Variants in ACACA observed in about 807,000 individuals in gnomAD.
ACACA encodes acetyl-CoA carboxylase alpha, also known as acetyl-CoA carboxylase 1.
In ACACA, 103 loss-of-function variants were observed where a neutral mutation model predicts 296.1. The observed-to-expected ratio is 0.35, with a 90% CI of 0.30 to 0.41. ACACA has a LOEUF of 0.41. ACACA is among the 10% of genes least tolerant of loss of function. ACACA has a pLI of 1.00. For missense variants in ACACA, 1,554 were observed against 2,989.7 expected (o/e 0.52, Z 11.20); for synonymous variants, 953 against 1,038.6 (o/e 0.92, Z 1.58).
At position 37,396,887 on chromosome 17, in the gene ACACA, A is replaced by ATAG. The variant is rs1304153602; in HGVS notation, c.38+9372_38+9374dup. ...TTACTTATCTTCCCTATTATTAGTA[A>ATAG]TAGTAGTAGTAGTATTATACTTTAA... On this transcript the variant is annotated intron_variant, in intron 1 of 55. Coordinates refer to ENST00000616317, the MANE Select transcript of ACACA (RefSeq NM_198834.3). Among the ~76,000 whole-genome samples, 4 of 152,030 alleles carry ATAG rather than the reference A, an allele frequency of 2.6e-5. 1 individual carries two copies. The South Asian group carries it at 6.2e-4, about 24-fold the overall frequency.
intron 41 of ACACA, among the ~76,000 whole-genome samples, chr17:37,174,009 TATATA>T (rs1470526148): frequency 1.5e-3 from 23 of 15,046 alleles, no homozygotes; most frequent in African/African-American, 6.3e-3. Context: ...TATATATATA[TATATA>T]TATATATTTT....
At chr17:37,350,802 G>A (rs1045875813) in intron 1 of ACACA, among the ~76,000 whole-genome samples, 2 of 151,716 alleles carry the variant, frequency 1.3e-5, no homozygotes, top group African/African-American at 4.8e-5. Context: ...TCAGGCCATT[G>A]TACTCCAACG....
At chr17:37,391,194 C>T (rs1415696388) in intron 1 of ACACA, among the ~76,000 whole-genome samples, 1 of 152,126 alleles carries the variant, frequency 6.6e-6, no homozygotes, top group African/African-American at 2.4e-5. Context: ...GCTGAGATCA[C>T]ACCACTGCAC....
chr17:37,143,538 A>G (rs570684293), intron 45 of ACACA: 2 of 484,964 alleles, frequency 4.1e-6, no homozygotes, highest in Non-Finnish European at 7.3e-6. Context: ...TAGTGTGTTA[A>G]CTATACAAAA....
At chr17:37,263,657 CA>C (rs761124431) in intron 11 of ACACA, 27 bp downstream of exon 11, 2 of 1,589,578 alleles carry the variant, frequency 1.3e-6, no homozygotes, top group Admixed American at 3.3e-5. Context: ...TGTAAGAAAA[CA>C]TAAAGTAAGC....
At position 37,167,203 on chromosome 17, in the gene ACACA, G is replaced by A. The variant is rs577351663; in HGVS notation, c.5080-5153C>T. Among the ~76,000 whole-genome samples, 6 of 134,516 alleles carry A rather than the reference G, an allele frequency of 4.5e-5. No homozygotes were observed. In the East Asian group the frequency reaches 6.9e-4, roughly 15 times the overall value. 88.2% of individuals were successfully genotyped at this position (134,516 alleles called of 152,430 possible). On this transcript the variant is annotated intron_variant, in intron 41 of 55. Transcript: ENST00000616317. ...TCTCGAACTCCTGACCTTGTGATCCGCCCGCCTTGGCCTCCCAAAGTGCTT... is the reference window on the plus strand; with the variant it reads ...TCTCGAACTCCTGACCTTGTGATCCACCCGCCTTGGCCTCCCAAAGTGCTT...
Position 37,278,049 on chromosome 17 carries a change from T to C in ACACA, c.611-44A>G, listed in dbSNP as rs780871642. 29 of 1,461,442 alleles carry C rather than the reference T, an allele frequency of 2.0e-5. No individual in the cohort carries two copies. The Admixed American group carries it at 4.2e-4, about 21-fold the overall frequency. 90.5% of individuals were successfully genotyped at this position (1,461,442 alleles called of 1,614,324 possible). A position where few individuals can be genotyped will look rare whatever the true frequency, so the allele number is the denominator to read the frequency against. On this transcript the variant is annotated intron_variant, in intron 5 of 55. Transcript: ENST00000616317. Reference sequence around the variant, plus strand: ...TAATAGAGAACACATGATTTTTTTTTCCAGAAATATAATTGCACAGCAAAA... The same window carrying C: ...TAATAGAGAACACATGATTTTTTTTCCCAGAAATATAATTGCACAGCAAAA...
At chr17:37,320,288 G>A (rs919360952) in intron 3 of ACACA, among the ~76,000 whole-genome samples, 6 of 152,076 alleles carry the variant, frequency 3.9e-5, no homozygotes, top group Non-Finnish European at 8.8e-5. Context: ...GAGGTGGGTA[G>A]ATCACCTGAG....
At chr17:37,108,390 AT>A (rs371331191) in intron 52 of ACACA, among the ~76,000 whole-genome samples, 10,057 of 145,574 alleles carry the variant, frequency 0.069, 352 homozygotes, top group African/African-American at 0.077. Context: ...AGCAATTATG[AT>A]TTTTTTTTTT....
At chr17:37,370,767 T>C (rs1438762028) in intron 1 of ACACA, among the ~76,000 whole-genome samples, 1 of 152,036 alleles carries the variant, frequency 6.6e-6, no homozygotes, top group Non-Finnish European at 1.5e-5. Context: ...CGGATCACCC[T>C]GAGGTCAGGA....
At chr17:37,291,977 C>T (rs1293727515) in intron 3 of ACACA, among the ~76,000 whole-genome samples, 1 of 151,170 alleles carries the variant, frequency 6.6e-6, no homozygotes, top group Non-Finnish European at 1.5e-5. Context: ...AATTTGACTG[C>T]TCTAAGAAGT....
At chr17:37,170,000 T>G (rs2076826004) in intron 41 of ACACA, among the ~76,000 whole-genome samples, 1 of 152,216 alleles carries the variant, frequency 6.6e-6, no homozygotes, top group African/African-American at 2.4e-5. Context: ...TCTCATGCAC[T>G]GACTAAACAA....
intron 52 of ACACA, among the ~76,000 whole-genome samples, chr17:37,109,322 T>G (rs1308659552): frequency 6.6e-6 from 1 of 152,214 alleles, no homozygotes; most frequent in Non-Finnish European, 1.5e-5. Context: ...TTTCTAATGA[T>G]TAAGACAGAA....
intron 25 of ACACA, 49 bp downstream of exon 25, chr17:37,234,926 T>A (rs1050803359): frequency 1.2e-6 from 2 of 1,609,638 alleles, no homozygotes; most frequent in Non-Finnish European, 1.7e-6. Context: ...AAAAAATACT[T>A]TTTGCATATC....
chr17:37,393,850 C>T (rs1007487025), intron 1 of ACACA, among the ~76,000 whole-genome samples: 1 of 151,666 alleles, frequency 6.6e-6, no homozygotes, highest in Admixed American at 6.6e-5. Flanking sequence ...ATTTGGGTAA[C>T]ATTTGTACTG....
At chr17:37,216,961 G>A (rs1345399542) in intron 29 of ACACA, among the ~76,000 whole-genome samples, 1 of 151,986 alleles carries the variant, frequency 6.6e-6, no homozygotes, top group Non-Finnish European at 1.5e-5. Context: ...GGGAATTATA[G>A]TAAGAGGAGT....
chr17:37,393,820 A>G (rs953483622), intron 1 of ACACA, among the ~76,000 whole-genome samples: 1 of 110,694 alleles, frequency 9.0e-6, no homozygotes, highest in South Asian at 3.0e-4. Context: ...TGTCTCAAAG[A>G]AAAAAAAAAA....
chr17:37,104,125 G>T (rs1488571476), intron 52 of ACACA, among the ~76,000 whole-genome samples: 1 of 152,148 alleles, frequency 6.6e-6, no homozygotes, highest in Non-Finnish European at 1.5e-5. Context: ...AGCTGGAAAA[G>T]AAATTGTAAA....
At chr17:37,372,517 G>A (rs771911126) in intron 1 of ACACA, among the ~76,000 whole-genome samples, 2 of 151,742 alleles carry the variant, frequency 1.3e-5, no homozygotes, top group Non-Finnish European at 2.9e-5. Flanking sequence ...TACAGAAACC[G>A]AAATAGAGGC....
Sources: allele counts gnomAD v4.1 joint callset (sites outside exome capture counted in the v4.1 genomes callset), GRCh38; gene constraint gnomAD v4.1.1; transcripts MANE v1.5; gene names NCBI Gene and HGNC (gene_info 2026-07-23, HGNC 2026-07-21).